RIT2: variants seen among roughly 807,000 people sequenced by gnomAD.
RIT2 encodes the protein GTP-binding protein Rit2.
Under a neutral mutation model 23.7 loss-of-function variants are expected in RIT2, and 24 were observed. The ratio of observed to expected loss-of-function variants is 1.01; its 90% confidence interval spans 0.73 to 1.43. The LOEUF is 1.43. RIT2 is among the 40% of genes most tolerant of loss of function. The probability of loss-of-function intolerance (pLI) is 0.00; values close to 1 mark genes in which losing one functional copy is unlikely to be tolerated. For synonymous variants in RIT2, 107 were observed against 91.1 expected, an observed-to-expected ratio of 1.17 and a Z score of -0.99; for missense variants, 236 against 266.9, an observed-to-expected ratio of 0.88 and a Z score of 0.81.
intron 4 of RIT2, among the ~76,000 whole-genome samples, chr18:42,919,530 A>G (rs1178007807): frequency 1.3e-5 from 2 of 152,062 alleles, no homozygotes; most frequent in Non-Finnish European, 2.9e-5. Flanking sequence ...CCTGGCCAAC[A>G]TAGTGAAACC....
intron 4 of RIT2, among the ~76,000 whole-genome samples, chr18:42,915,400 A>C (rs755444188): frequency 2.9e-4 from 44 of 152,172 alleles, no homozygotes; most frequent in Non-Finnish European, 5.3e-4. Flanking sequence ...AAAATTACAA[A>C]AGGTTAGTTA....
intron 4 of RIT2, among the ~76,000 whole-genome samples, chr18:42,838,388 A>T (rs1212747039): frequency 6.6e-6 from 1 of 152,158 alleles, no homozygotes; most frequent in African/African-American, 2.4e-5. Context: ...ATGGATTTTT[A>T]AAATAACTTC....
chr18:43,021,987 C>T (rs187874201), intron 2 of RIT2, among the ~76,000 whole-genome samples: 5 of 152,150 alleles, frequency 3.3e-5, no homozygotes, highest in Admixed American at 6.6e-5. Context: ...ATTACTATAT[C>T]GGAGGGATAC....
intron 4 of RIT2, among the ~76,000 whole-genome samples, chr18:42,798,120 G>T (rs988014366): frequency 6.6e-6 from 1 of 152,140 alleles, no homozygotes; most frequent in Non-Finnish European, 1.5e-5. Context: ...TATCCCAATA[G>T]AAATTTTGCC....
intron 1 of RIT2, among the ~76,000 whole-genome samples, chr18:43,061,037 T>C (rs1912632117): frequency 1.3e-5 from 2 of 152,114 alleles, no homozygotes; most frequent in Admixed American, 1.3e-4. Flanking sequence ...GACCAAGATA[T>C]TGTAATATCT....
At chr18:42,921,264 G>C (rs1458289067) in intron 4 of RIT2, among the ~76,000 whole-genome samples, 9 of 152,132 alleles carry the variant, frequency 5.9e-5, no homozygotes, top group African/African-American at 2.2e-4. Context: ...TTCATTACTG[G>C]AGACAGTGGT....
At chr18:42,899,060 G>A (rs929556387) in intron 4 of RIT2, among the ~76,000 whole-genome samples, 2 of 151,638 alleles carry the variant, frequency 1.3e-5, no homozygotes, top group Non-Finnish European at 2.9e-5. Context: ...GTTATTTTGC[G>A]ACTATGTAAA....
Position 43,055,390 on chromosome 18 carries a change from T to C in RIT2, c.104-21523A>G, listed in dbSNP as rs1403580057. Among the ~76,000 whole-genome samples the C allele has an allele frequency of 2.0e-5, 3 of 151,988 alleles. No homozygotes were observed. The East Asian group carries it at 5.8e-4, about 29-fold the overall frequency. ...TAAGACACTAAGATGGAAATTATGG[T>C]TGTGGGTGCGTGACAACTCTGTATC... On this transcript the variant is annotated intron_variant, in intron 1 of 4. Transcript: ENST00000326695.
intron 1 of RIT2, among the ~76,000 whole-genome samples, chr18:43,059,382 G>C (rs1912587604): frequency 6.6e-6 from 1 of 152,064 alleles, no homozygotes; most frequent in Non-Finnish European, 1.5e-5. Flanking sequence ...TGTTATTCTT[G>C]CTTTGGGTAG....
intron 3 of RIT2, among the ~76,000 whole-genome samples, chr18:42,924,679 T>TA (rs549720295): frequency 1.3e-5 from 2 of 152,094 alleles, no homozygotes; most frequent in African/African-American, 2.4e-5. Flanking sequence ...GTTTGTGCTA[T>TA]AAGTAATCAA....
intron 4 of RIT2, among the ~76,000 whole-genome samples, chr18:42,826,428 G>T (rs1255260000): frequency 6.6e-6 from 1 of 151,926 alleles, no homozygotes; most frequent in Non-Finnish European, 1.5e-5. Flanking sequence ...CATCTCAAAA[G>T]ATGCAAAAAA....
chr18:42,763,403 A>C (rs1913347895), intron 4 of RIT2, among the ~76,000 whole-genome samples: 1 of 149,804 alleles, frequency 6.7e-6, no homozygotes, highest in African/African-American at 2.5e-5. Context: ...TGGAGCTTGC[A>C]GGGAGCCGAG....
intron 4 of RIT2, among the ~76,000 whole-genome samples, chr18:42,826,373 T>A (rs564742980): frequency 2.0e-5 from 3 of 152,188 alleles, no homozygotes. Context: ...ATGTTTAATA[T>A]TGTAATTGAT....
chr18:42,816,652 A>T (rs1195969364), intron 4 of RIT2, among the ~76,000 whole-genome samples: 2 of 152,162 alleles, frequency 1.3e-5, no homozygotes, highest in Non-Finnish European at 2.9e-5. Flanking sequence ...ATAATAACAC[A>T]ATGTAAACAG....
chr18:42,966,242 G>A (rs1028000346), intron 3 of RIT2, among the ~76,000 whole-genome samples: 1 of 152,098 alleles, frequency 6.6e-6, no homozygotes, highest in African/African-American at 2.4e-5. Flanking sequence ...ATTATAGGAT[G>A]CAAAGTTCTT....
intron 4 of RIT2, among the ~76,000 whole-genome samples, chr18:42,751,906 T>C (rs1158915509): frequency 2.0e-5 from 3 of 152,066 alleles, no homozygotes; most frequent in Non-Finnish European, 4.4e-5. Context: ...AAAGCATACT[T>C]TAACAATAAA....
intron 3 of RIT2, among the ~76,000 whole-genome samples, chr18:42,940,889 T>C (rs1909585559): frequency 1.3e-5 from 2 of 152,120 alleles, no homozygotes; most frequent in Non-Finnish European, 2.9e-5. Context: ...AGCAGGAATG[T>C]CATTTGTTTT....
intron 4 of RIT2, among the ~76,000 whole-genome samples, chr18:42,785,856 G>A (rs1485583089): frequency 1.3e-5 from 2 of 152,084 alleles, no homozygotes; most frequent in Admixed American, 6.6e-5. Context: ...GAATACTGAC[G>A]GCAGGGTAAC....
At chr18:43,047,299 C>A (rs1462631442) in intron 1 of RIT2, among the ~76,000 whole-genome samples, 2 of 152,028 alleles carry the variant, frequency 1.3e-5, no homozygotes, top group African/African-American at 2.4e-5. Flanking sequence ...TACTCTTTCT[C>A]CCTTTCTAGA....
Sources: allele counts gnomAD v4.1 joint callset (sites outside exome capture counted in the v4.1 genomes callset), GRCh38; gene constraint gnomAD v4.1.1; transcripts MANE v1.5; gene names NCBI Gene and HGNC (gene_info 2026-07-23, HGNC 2026-07-21).